Variants in MED12L observed in about 807,000 individuals in gnomAD.
MED12L encodes the protein mediator of RNA polymerase II transcription subunit 12-like protein.
A neutral mutation model predicts 281.3 loss-of-function variants in MED12L; 60 were observed. The observed-to-expected ratio is 0.21, with a 90% CI of 0.17 to 0.26. MED12L has a LOEUF of 0.26. MED12L is among the 10% of genes least tolerant of loss of function. The pLI is 1.00. For missense variants in MED12L, 2,146 were observed against 2,680.9 expected, an observed-to-expected ratio of 0.80 and a Z score of 4.41; for synonymous variants, 974 against 987.2, an observed-to-expected ratio of 0.99 and a Z score of 0.25.
intron 16 of MED12L, among the ~76,000 whole-genome samples, chr3:151,263,057 G>C (rs1450468317): frequency 6.6e-6 from 1 of 152,068 alleles, no homozygotes. Flanking sequence ...GTGGGGTGGC[G>C]TTGGGGAAGA....
intron 2 of MED12L, among the ~76,000 whole-genome samples, chr3:151,108,584 C>T (rs1213782358): frequency 6.6e-6 from 1 of 152,148 alleles, no homozygotes. Context: ...CTGAGTAAGA[C>T]TTGAGCTAAC....
rs1720111167 is a variant in MED12L, at chr3:151,435,856, A to G, written c.*3052A>G. On this transcript the variant is annotated 3_prime_UTR_variant, in exon 45 of 45. Transcript: ENST00000687756. ...ATAATAGACCTAGACCCTCCCAAGC[A>G]TTTTCCCATCCCATAAAGAATTAAT... 6.6e-6 allele frequency: 1 copy of G among 152,080 alleles called. No homozygotes were observed. The highest frequency in any genetic ancestry group is 1.5e-5 in the Non-Finnish European group (1 of 67,998). 9.4% of individuals were successfully genotyped at this position (152,080 alleles called of 1,614,324 possible).
At chr3:151,301,816 G>A (rs1260496744) in intron 16 of MED12L, among the ~76,000 whole-genome samples, 3 of 152,118 alleles carry the variant, frequency 2.0e-5, no homozygotes, top group South Asian at 2.1e-4. Flanking sequence ...TTAAAATTAC[G>A]GTACAGCCAC....
chr3:151,338,578 C>CAAGGA (rs772537073), intron 16 of MED12L: 3 of 1,613,906 alleles, frequency 1.9e-6, no homozygotes, highest in Non-Finnish European at 2.5e-6. Flanking sequence ...CTCAGTGGTC[C>CAAGGA]TGTTCCCAGT....
At chr3:151,116,793 C>T (rs1468003715) in intron 3 of MED12L, among the ~76,000 whole-genome samples, 3 of 152,070 alleles carry the variant, frequency 2.0e-5, no homozygotes, top group Non-Finnish European at 4.4e-5. Flanking sequence ...ATGACGGGAT[C>T]CAGGTTAGAT....
At chr3:151,114,721 A>G (rs959735923) in intron 2 of MED12L, among the ~76,000 whole-genome samples, 4 of 150,462 alleles carry the variant, frequency 2.7e-5, no homozygotes, top group Admixed American at 6.6e-5. Flanking sequence ...ATGTAGTTCC[A>G]TAACTCAATG....
chr3:151,166,024 T>C, intron 11 of MED12L, 42 bp downstream of exon 11: 1 of 1,546,724 alleles, frequency 6.5e-7, no homozygotes, highest in Non-Finnish European at 8.8e-7. Flanking sequence ...TTTATTTTCA[T>C]AGTGTTTTTT....
chr3:151,251,571 G>T (rs752904153), intron 16 of MED12L, among the ~76,000 whole-genome samples: 9 of 152,104 alleles, frequency 5.9e-5, no homozygotes, highest in Non-Finnish European at 1.2e-4. Context: ...ATACTTAAAA[G>T]ATAAGTTCAT....
intron 44 of MED12L, 34 bp from the exon 45 acceptor site, chr3:151,432,718 C>T: frequency 6.4e-7 from 1 of 1,565,956 alleles, no homozygotes; most frequent in Non-Finnish European, 8.8e-7. Flanking sequence ...AGTTTTGTGT[C>T]TGTAATTTTG....
At chr3:151,362,561 G>A (rs532005538) in intron 21 of MED12L, among the ~76,000 whole-genome samples, 1 of 151,994 alleles carries the variant, frequency 6.6e-6, no homozygotes, top group South Asian at 2.1e-4. Flanking sequence ...ATCATTCTGA[G>A]CCTCAGCACT....
At chr3:151,207,499 T>TG (rs1409722220) in intron 16 of MED12L, among the ~76,000 whole-genome samples, 1 of 143,940 alleles carries the variant, frequency 6.9e-6, no homozygotes, top group African/African-American at 2.6e-5. Flanking sequence ...TGAGAAATTT[T>TG]GGGGGGGACT....
rs1727658764 is a variant in MED12L at position 151,213,941 on chromosome 3, G to T, written c.2250+20275G>T. ...GACTGGATGAAAGAAGTCCAAAGAGGCTTTACAATTTTATAATATCTGTCA... is the reference window on the plus strand; with the variant it reads ...GACTGGATGAAAGAAGTCCAAAGAGTCTTTACAATTTTATAATATCTGTCA... On this transcript the variant is annotated intron_variant, in intron 16 of 44. Transcript: ENST00000687756. The T allele has an allele frequency of 1.9e-6, 3 of 1,614,092 alleles. No individual in the cohort carries two copies. The highest frequency in any genetic ancestry group is 2.5e-6 in the Non-Finnish European group (3 of 1,179,986).
At chr3:151,400,593 A>G (rs1715549299) in intron 39 of MED12L, among the ~76,000 whole-genome samples, 2 of 152,168 alleles carry the variant, frequency 1.3e-5, no homozygotes, top group Non-Finnish European at 2.9e-5. Flanking sequence ...GAAATAGGTA[A>G]TTTAAAGAAT....
rs1411558083 is a variant in MED12L at position 151,160,062 on chromosome 3, G to A, written c.1068G>A (p.Gln356=). The A allele has an allele frequency of 1.2e-6, 2 of 1,613,146 alleles. No individual in the cohort carries two copies. Among genetic ancestry groups the A allele is most frequent in the Admixed American group, 1.7e-5 (1 of 59,916 alleles). Residue 356 remains glutamine, a synonymous_variant, in exon 8 of 45, where the codon CAG becomes CAA. Transcript: ENST00000687756. The stretch of plus-strand genomic sequence containing the variant: ...TCTCAGATTTTCTTTCCTGTGCACA[G>A]CATGGTCCCCTGGTTTATGGACTTA... ...LAFSDFLSCA[Q]HGPLVYGLSC... is the part of the protein sequence containing the mutation.
At chr3:151,380,780 A>G (rs762063152) in intron 32 of MED12L, among the ~76,000 whole-genome samples, 22 of 152,214 alleles carry the variant, frequency 1.4e-4, no homozygotes, top group Non-Finnish European at 2.6e-4. Context: ...TATATTGCAT[A>G]TAACTTTGAA....
chr3:151,350,910 T>C (rs1253525523), intron 17 of MED12L, among the ~76,000 whole-genome samples: 2 of 152,226 alleles, frequency 1.3e-5, no homozygotes, highest in Admixed American at 6.5e-5. Flanking sequence ...CTAATTATTC[T>C]TTTCAAGGTT....
Position 151,158,730 on chromosome 3 carries a change from G to C in MED12L, c.768G>C (p.Leu256=). Residue 256 remains leucine (L), a synonymous_variant, in exon 7 of 45, where the codon CTG becomes CTC. Coordinates refer to ENST00000687756, the MANE Select transcript of MED12L (RefSeq NM_001393769.1). Reference sequence around the variant, plus strand: ...AACACGAATATTTGACATGGATCCTGGATGTTTTAGAAAAGATCAGACCAA... The same window carrying C: ...AACACGAATATTTGACATGGATCCTCGATGTTTTAGAAAAGATCAGACCAA... ...LEKHEYLTWI[L]DVLEKIRPMD... The C allele has an allele frequency of 6.2e-7, 1 of 1,612,792 alleles. No individual in the cohort carries two copies. Among genetic ancestry groups the C allele is most frequent in the Non-Finnish European group, 8.5e-7 (1 of 1,179,294 alleles).
At chr3:151,409,889 T>A (rs1207416954) in intron 40 of MED12L, among the ~76,000 whole-genome samples, 1 of 152,072 alleles carries the variant, frequency 6.6e-6, no homozygotes. Flanking sequence ...CGCTTGAGCT[T>A]GAGAGGTTGA....
intron 5 of MED12L, among the ~76,000 whole-genome samples, chr3:151,145,146 C>A (rs1232628908): frequency 6.6e-6 from 1 of 152,186 alleles, no homozygotes; most frequent in Non-Finnish European, 1.5e-5. Flanking sequence ...GGCTGACTTG[C>A]TCTAAAACTC....
Sources: allele counts gnomAD v4.1 joint callset (sites outside exome capture counted in the v4.1 genomes callset), GRCh38; gene constraint gnomAD v4.1.1; transcripts MANE v1.5; gene names NCBI Gene and HGNC (gene_info 2026-07-23, HGNC 2026-07-21).